FOXP2: variants seen among roughly 807,000 people sequenced by gnomAD.
FOXP2 encodes the protein forkhead box P2.
In FOXP2, 12 loss-of-function variants were observed where a neutral mutation model predicts 115.8. That is an observed-to-expected ratio of 0.10 (90% confidence interval 0.07 to 0.17). FOXP2 has a LOEUF of 0.17. Ranked by LOEUF, FOXP2 falls within the 10% of genes least tolerant of loss-of-function variation. FOXP2 has a pLI of 1.00. For missense variants in FOXP2, 629 were observed against 843.5 expected, an observed-to-expected ratio of 0.75 and a Z score of 3.15; for synonymous variants, 328 against 297.7, an observed-to-expected ratio of 1.10 and a Z score of -1.05.
intron 2 of FOXP2, chr7:114,297,480 G>A (rs1796769556): frequency 5.7e-6 from 2 of 349,854 alleles, no homozygotes; most frequent in Admixed American, 4.0e-5. Flanking sequence ...TGCATTTTTT[G>A]CCTCTAAGTG....
rs1219696390 is a variant in FOXP2 at position 114,405,084 on chromosome 7, G to A, written c.-10-21418G>A. 3.3e-5 allele frequency among the ~76,000 whole-genome samples: 5 copies of A among 151,986 alleles called. No individual in the cohort carries two copies. The East Asian group carries it at 7.7e-4, about 23-fold the overall frequency. On this transcript the variant is annotated intron_variant, in intron 2 of 17. Transcript: ENST00000634411. ...GTAGAAAACAATTTTTGTTAAAGTA[G>A]GATGGATTCGATCAAGTGAATATGT... is the stretch of plus-strand genomic sequence containing the variant.
rs184534141 is a variant in FOXP2, at chr7:114,331,730, C to T, written c.-11+43621C>T. Among the ~76,000 whole-genome samples, 8 of 151,630 alleles carry T rather than the reference C, an allele frequency of 5.3e-5. No homozygotes were observed. The East Asian group carries it at 9.7e-4, about 18-fold the overall frequency. The stretch of plus-strand genomic sequence containing the variant: ...TCGCCCAGGCTGGTGTGCAGTGGCC[C>T]GATCTTGGCTTACTGCAGCTTCTGC... On this transcript the variant is annotated intron_variant, in intron 2 of 17. Coordinates refer to the FOXP2 transcript ENST00000634411.
chr7:114,196,582 A>G (rs535679450), intron 1 of FOXP2, among the ~76,000 whole-genome samples: 6 of 152,326 alleles, frequency 3.9e-5, no homozygotes, highest in Non-Finnish European at 8.8e-5. Flanking sequence ...TGTTCTTAAT[A>G]GACTGTAATT....
intron 2 of FOXP2, among the ~76,000 whole-genome samples, chr7:114,447,485 T>C (rs1584747051): frequency 6.6e-6 from 1 of 152,274 alleles, no homozygotes; most frequent in Non-Finnish European, 1.5e-5. Flanking sequence ...TGTCCCATTC[T>C]CTTGCTGCTG....
chr7:114,653,868 A>G (rs1322031144), intron 9 of FOXP2, 58 bp from the exon 10 acceptor site: 5 of 1,519,790 alleles, frequency 3.3e-6, no homozygotes, highest in African/African-American at 2.7e-5. Flanking sequence ...TATCACTGCA[A>G]TAAAATAGCT....
At chr7:114,241,452 C>T (rs74457269) in intron 1 of FOXP2, among the ~76,000 whole-genome samples, 6,327 of 152,076 alleles carry the variant, frequency 0.042, 325 homozygotes, top group African/African-American at 0.12. Flanking sequence ...TTAAGTCATG[C>T]ACAAATCTAT....
intron 1 of FOXP2, among the ~76,000 whole-genome samples, chr7:114,190,099 A>T (rs189801699): frequency 7.9e-4 from 120 of 152,322 alleles, no homozygotes; most frequent in African/African-American, 2.9e-3. Flanking sequence ...GATAAGTAAC[A>T]TCATGCTACT....
At chr7:114,144,719 T>G (rs967467530) in intron 1 of FOXP2, among the ~76,000 whole-genome samples, 2 of 152,056 alleles carry the variant, frequency 1.3e-5, no homozygotes, top group African/African-American at 4.8e-5. Context: ...GTGTTCAGAG[T>G]TCTGAACATG....
At chr7:114,226,057 A>C (rs1183194729) in intron 1 of FOXP2, among the ~76,000 whole-genome samples, 1 of 152,130 alleles carries the variant, frequency 6.6e-6, no homozygotes, top group Non-Finnish European at 1.5e-5. Flanking sequence ...CCATTTCCTA[A>C]TCCCTGAGTT....
Position 114,642,469 on chromosome 7 carries a change from A to G in FOXP2, c.835A>G (p.Met279Val), listed in dbSNP as rs778767619. The part of the protein sequence containing the change: ...LWKEVTGVHS[M>V]EDNGIKHGGL... ...GAAAGAAGTGACTGGAGTTCACAGT[A>G]TGGAAGACAATGGCATTAAACATGG... Residue 279 changes from methionine to valine, a missense_variant, in exon 7 of 17, where the codon ATG (methionine) becomes GTG (valine). Around this residue, in one of 9 missense-constraint regions of FOXP2, gnomAD observed 92 missense variants for 80.1 expected, o/e 1.15. Transcript: ENST00000350908. The G allele has an allele frequency of 5.6e-6, 9 of 1,613,912 alleles. No individual in the cohort carries two copies. The Admixed American group carries it at 6.7e-5, about 12-fold the overall frequency.
At chr7:114,313,805 T>C (rs924225906) in intron 2 of FOXP2, among the ~76,000 whole-genome samples, 12 of 151,842 alleles carry the variant, frequency 7.9e-5, no homozygotes, top group Middle Eastern at 3.2e-3. Context: ...TTTTGTATAA[T>C]GTTAAAAATA....
chr7:114,108,610 TA>T (rs755545387), intron 1 of FOXP2, among the ~76,000 whole-genome samples: 56 of 152,090 alleles, frequency 3.7e-4, no homozygotes, highest in Admixed American at 6.6e-4. Flanking sequence ...TTTTTAAATG[TA>T]GAACTTAGAA....
intron 3 of FOXP2, among the ~76,000 whole-genome samples, chr7:114,626,356 A>G (rs1266739140): frequency 6.6e-6 from 1 of 151,848 alleles, no homozygotes; most frequent in Non-Finnish European, 1.5e-5. Context: ...GCATACCTCC[A>G]TTCATAGAAC....
chr7:114,243,955 GC>G (rs1485333653), intron 1 of FOXP2, among the ~76,000 whole-genome samples: 5 of 151,750 alleles, frequency 3.3e-5, no homozygotes, highest in African/African-American at 1.2e-4. Flanking sequence ...TTAGGAGATG[GC>G]GAGATTAGAA....
intron 2 of FOXP2, among the ~76,000 whole-genome samples, chr7:114,468,724 G>A (rs1026303767): frequency 1.3e-5 from 2 of 151,874 alleles, no homozygotes; most frequent in East Asian, 1.9e-4. Context: ...ACAAAAATAC[G>A]ATGAATGCAT....
At chr7:114,106,808 G>C (rs1304328110) in intron 1 of FOXP2, among the ~76,000 whole-genome samples, 1 of 151,814 alleles carries the variant, frequency 6.6e-6, no homozygotes, top group Non-Finnish European at 1.5e-5. Flanking sequence ...AAAACTAAAT[G>C]CTACCCCATT....
At chr7:114,135,892 A>G (rs1046407063) in intron 1 of FOXP2, among the ~76,000 whole-genome samples, 17 of 152,154 alleles carry the variant, frequency 1.1e-4, no homozygotes, top group Non-Finnish European at 2.2e-4. Context: ...TCTGATAATT[A>G]GAGAAGAGGT....
rs79467833 is a variant in FOXP2 at position 114,341,143 on chromosome 7, A to G, written c.-11+53034A>G. Among the ~76,000 whole-genome samples, 968 of 151,350 alleles carry G rather than the reference A, an allele frequency of 6.4e-3. 7 individuals are homozygous for G. The highest frequency in any genetic ancestry group is 0.022 in the African/African-American group (917 of 41,470). ...AACTATATCATTTTAAAATTGATGT[A>G]TCCTTTATTTTCTTCTTCTTAAAAT... On this transcript the variant is annotated intron_variant, in intron 2 of 17. Transcript: ENST00000634411.
intron 1 of FOXP2, among the ~76,000 whole-genome samples, chr7:114,193,137 T>C (rs1461443670): frequency 6.6e-6 from 1 of 152,084 alleles, no homozygotes; most frequent in East Asian, 1.9e-4. Context: ...TCCTATACTT[T>C]GTTGAAGAAA....
Sources: allele counts gnomAD v4.1 joint callset (sites outside exome capture counted in the v4.1 genomes callset), GRCh38; gene constraint gnomAD v4.1.1; regional missense constraint gnomAD v4.1.1; transcripts MANE v1.5; gene names NCBI Gene and HGNC (gene_info 2026-07-23, HGNC 2026-07-21).